ADAMTS6: variants seen among roughly 807,000 people sequenced by gnomAD.
ADAMTS6 encodes the protein ADAM metallopeptidase with thrombospondin type 1 motif 6.
Under a neutral mutation model 144.3 loss-of-function variants are expected in ADAMTS6, and 23 were observed. The observed-to-expected ratio is 0.16, with a 90% CI of 0.11 to 0.23. The LOEUF is 0.23. Ranked by LOEUF, ADAMTS6 falls within the 10% of genes least tolerant of loss-of-function variation. The pLI, the probability that ADAMTS6 is intolerant of heterozygous loss-of-function variation, is 1.00. For synonymous variants in ADAMTS6, 444 were observed against 457.5 expected, an observed-to-expected ratio of 0.97 and a Z score of 0.38; for missense variants, 999 against 1,379.6, an observed-to-expected ratio of 0.72 and a Z score of 4.37.
chr5:65,371,370 T>A (rs193151663), intron 7 of ADAMTS6, among the ~76,000 whole-genome samples: 4 of 151,818 alleles, frequency 2.6e-5, no homozygotes, highest in Non-Finnish European at 5.9e-5. Flanking sequence ...TTGAAAACTT[T>A]AAAAAAAATT....
chr5:65,466,878 T>C (rs1381474963), intron 3 of ADAMTS6, among the ~76,000 whole-genome samples: 1 of 151,954 alleles, frequency 6.6e-6, no homozygotes, highest in Non-Finnish European at 1.5e-5. Context: ...CCGTCTCTAC[T>C]AAAAACACAA....
intron 7 of ADAMTS6, among the ~76,000 whole-genome samples, chr5:65,448,695 C>T (rs528022869): frequency 6.6e-6 from 1 of 152,064 alleles, no homozygotes; most frequent in Admixed American, 6.6e-5. Context: ...CCTCATGATC[C>T]GCCCTCCTCA....
intron 3 of ADAMTS6, among the ~76,000 whole-genome samples, chr5:65,465,014 C>T (rs1759893550): frequency 6.6e-6 from 1 of 152,164 alleles, no homozygotes; most frequent in African/African-American, 2.4e-5. Flanking sequence ...AAACCACAAC[C>T]TTGATAAGAT....
chr5:65,254,423 A>G (rs975664650), intron 14 of ADAMTS6, among the ~76,000 whole-genome samples: 1 of 152,212 alleles, frequency 6.6e-6, no homozygotes, highest in Non-Finnish European at 1.5e-5. Context: ...TTTTAAACAC[A>G]TGGCAAATTC....
Position 65,150,593 on chromosome 5 carries a change from A to G in ADAMTS6, c.*1243T>C, listed in dbSNP as rs1002568242. On this transcript the variant is annotated 3_prime_UTR_variant, in exon 25 of 25. Coordinates refer to ENST00000381055, the MANE Select transcript of ADAMTS6 (RefSeq NM_197941.4). ...TTATGCTTTATGATGTCTAGTCTTC[A>G]TGAAATTTTCTTCTTTGGTTATTAT... 6.6e-6 allele frequency: 1 copy of G among 152,632 alleles called. No individual in the cohort carries two copies. Among genetic ancestry groups the G allele is most frequent in the African/African-American group, 2.4e-5 (1 of 41,458 alleles). 9.5% of individuals were successfully genotyped at this position (152,632 alleles called of 1,614,324 possible).
chr5:65,310,101 T>C (rs1199712010), intron 9 of ADAMTS6, among the ~76,000 whole-genome samples: 3 of 151,758 alleles, frequency 2.0e-5, no homozygotes, highest in African/African-American at 7.3e-5. Context: ...TTTAAAAGTG[T>C]GTGGCACCTC....
chr5:65,293,405 G>A (rs1742516628), intron 10 of ADAMTS6, among the ~76,000 whole-genome samples: 1 of 152,000 alleles, frequency 6.6e-6, no homozygotes, highest in South Asian at 2.1e-4. Flanking sequence ...AAAAAGTGCA[G>A]GATATATTCA....
At chr5:65,196,231 C>T (rs534174449) in intron 21 of ADAMTS6, among the ~76,000 whole-genome samples, 1 of 152,148 alleles carries the variant, frequency 6.6e-6, no homozygotes, top group South Asian at 2.1e-4. Context: ...TATTTCTAAA[C>T]CATTTTAAAA....
At chr5:65,328,688 T>C (rs1217392188) in intron 9 of ADAMTS6, among the ~76,000 whole-genome samples, 1 of 151,996 alleles carries the variant, frequency 6.6e-6, no homozygotes, top group Non-Finnish European at 1.5e-5. Context: ...AAAAAAAGTA[T>C]TATCAAGCTT....
intron 14 of ADAMTS6, among the ~76,000 whole-genome samples, chr5:65,247,944 C>T (rs1759775228): frequency 6.6e-6 from 1 of 152,112 alleles, no homozygotes; most frequent in Non-Finnish European, 1.5e-5. Context: ...TAGATTGCCC[C>T]CTGTTTGTTG....
chr5:65,256,014 T>C (rs1368003248), intron 14 of ADAMTS6, among the ~76,000 whole-genome samples: 3 of 152,162 alleles, frequency 2.0e-5, no homozygotes, highest in Admixed American at 2.0e-4. Context: ...ATTACAGGTG[T>C]GAACCCTTTA....
At chr5:65,271,204 G>A (rs1580250089) in intron 12 of ADAMTS6, among the ~76,000 whole-genome samples, 1 of 151,486 alleles carries the variant, frequency 6.6e-6, no homozygotes, top group Non-Finnish European at 1.5e-5. Flanking sequence ...CCTGGCCAAA[G>A]TGGTGAAACC....
chr5:65,196,932 C>T, intron 21 of ADAMTS6, 90 bp downstream of exon 21: 1 of 1,445,228 alleles, frequency 6.9e-7, no homozygotes, highest in Non-Finnish European at 9.2e-7. Context: ...AATTTATTCT[C>T]ATCATATAAA....
intron 7 of ADAMTS6, among the ~76,000 whole-genome samples, chr5:65,418,751 A>C (rs1755763752): frequency 6.6e-6 from 1 of 152,212 alleles, no homozygotes; most frequent in African/African-American, 2.4e-5. Context: ...ATGAACAGAC[A>C]CTTCTCAAAA....
chr5:65,410,741 T>G (rs1376575627), intron 7 of ADAMTS6, among the ~76,000 whole-genome samples: 1 of 152,208 alleles, frequency 6.6e-6, no homozygotes, highest in Non-Finnish European at 1.5e-5. Context: ...GACTTTTTTA[T>G]ATATACTCTA....
intron 7 of ADAMTS6, among the ~76,000 whole-genome samples, chr5:65,410,831 A>G (rs1314440560): frequency 6.6e-6 from 1 of 152,088 alleles, no homozygotes; most frequent in Non-Finnish European, 1.5e-5. Flanking sequence ...CATTCATGCC[A>G]TCACAAATGA....
At chr5:65,480,820 A>G (rs972515694) in intron 1 of ADAMTS6, among the ~76,000 whole-genome samples, 1 of 152,228 alleles carries the variant, frequency 6.6e-6, no homozygotes, top group African/African-American at 2.4e-5. Flanking sequence ...TAGCCTATTA[A>G]GAGCTTAACA....
At chr5:65,343,029 C>G (rs559422556) in intron 7 of ADAMTS6, among the ~76,000 whole-genome samples, 3 of 151,982 alleles carry the variant, frequency 2.0e-5, no homozygotes, top group African/African-American at 7.2e-5. Flanking sequence ...CTACAAAACA[C>G]TGATGAAAGA....
chr5:65,180,006 T>C (rs1189219024), intron 22 of ADAMTS6, among the ~76,000 whole-genome samples: 1 of 151,930 alleles, frequency 6.6e-6, no homozygotes, highest in Non-Finnish European at 1.5e-5. Flanking sequence ...AGCTGAGGAC[T>C]CTGAGTAAAC....
Sources: gnomAD v4.1 joint callset for allele counts (sites outside exome capture counted in the v4.1 genomes callset) on GRCh38, gnomAD v4.1.1 for gene constraint, MANE v1.5 for transcripts, NCBI Gene and HGNC (gene_info 2026-07-23, HGNC 2026-07-21) for gene names.